RPL30: variants seen among roughly 807,000 people sequenced by gnomAD.
The protein encoded by RPL30 is ribosomal protein L30.
For missense variants in RPL30, 60 were observed against 138.0 expected (o/e 0.43, Z 2.83); for synonymous variants, 40 against 50.4 (o/e 0.79, Z 0.87).
chr8:98,044,849 G>A (rs373863174), intron 3 of RPL30, 94 bp downstream of exon 3: 5 of 1,328,968 alleles, frequency 3.8e-6, no homozygotes, highest in Admixed American at 4.3e-5. Context: ...GCAAGTGTTC[G>A]AGTTCATGGT....
At chr8:98,042,569 G>C in intron 4 of RPL30, 76 bp downstream of exon 4, 2 of 1,348,440 alleles carry the variant, frequency 1.5e-6, no homozygotes, top group East Asian at 2.3e-5. Context: ...AGACATTTGC[G>C]TAGTAAGAAA....
intron 4 of RPL30, chr8:98,042,099 A>T (rs759355505): frequency 1.5e-6 from 1 of 659,232 alleles, no homozygotes; most frequent in Non-Finnish European, 2.8e-6. Context: ...TATCACCAGC[A>T]TTTATAAAAC....
chr8:98,043,836 G>C (rs1814427215), intron 3 of RPL30: 1 of 151,968 alleles, frequency 6.6e-6, no homozygotes, highest in Admixed American at 6.6e-5. Flanking sequence ...CCTCAAGCCG[G>C]GCACGGTAGC....
intron 4 of RPL30, 157 bp downstream of exon 4, chr8:98,042,488 C>G: frequency 1.5e-6 from 1 of 687,964 alleles, no homozygotes; most frequent in Non-Finnish European, 2.4e-6. Context: ...CATTCATTAC[C>G]AATTCTCTAC....
intron 3 of RPL30, chr8:98,043,721 A>ACTAATTGTTTTAGTAGATTC (rs1187816745): frequency 6.6e-6 from 1 of 151,772 alleles, no homozygotes; most frequent in Non-Finnish European, 1.5e-5. Flanking sequence ...ATTAGTAGAT[A>ACTAATTGTTTTAGTAGATTC]CTAATGGTTT....
Position 98,045,539 on chromosome 8 carries a change from A to G in RPL30, c.-64T>C. The G allele has an allele frequency of 1.6e-6, 1 of 644,058 alleles. No homozygotes were observed. Among genetic ancestry groups the G allele is most frequent in the Non-Finnish European group, 2.7e-6 (1 of 364,038 alleles). The allele number at this position is 644,058 out of a possible 1,614,324, so 39.9% of individuals were successfully genotyped here. A position where few individuals can be genotyped will look rare whatever the true frequency, so the allele number is the denominator to read the frequency against. On this transcript the variant is annotated 5_prime_UTR_variant, in exon 1 of 5. Transcript: ENST00000287038. ...CAGCCGCTAAGATGGCCGGGGAACG[A>G]GAAAGGAAAGACTTCCCACAATGCA...
intron 3 of RPL30, chr8:98,043,878 C>G (rs1814427761): frequency 6.6e-6 from 1 of 151,926 alleles, no homozygotes; most frequent in Non-Finnish European, 1.5e-5. Context: ...TTTGGGAGGC[C>G]GAGGTGGGTG....
intron 3 of RPL30, 51 bp downstream of exon 3, chr8:98,044,892 C>A: frequency 6.3e-7 from 1 of 1,580,952 alleles, no homozygotes; most frequent in Non-Finnish European, 8.6e-7. Flanking sequence ...CCTGTATATT[C>A]GTTCACGATG....
chr8:98,042,836 G>A lies in RPL30; in HGVS notation c.168-61C>T. The A allele has an allele frequency of 2.8e-6, 4 of 1,451,308 alleles. No individual in the cohort carries two copies. The South Asian group carries it at 5.6e-5, about 20-fold the overall frequency. 89.9% of individuals were successfully genotyped at this position (1,451,308 alleles called of 1,614,324 possible). ...ATACCAAGTGACTGACAGACTAAAT[G>A]TTACTACTTCTTTTACTAGTGTTAA... is the stretch of plus-strand genomic sequence containing the variant. On this transcript the variant is annotated intron_variant, in intron 3 of 4. Coordinates refer to ENST00000287038, the MANE Select transcript of RPL30 (RefSeq NM_000989.4).
At chr8:98,044,620 A>T (rs561035873) in intron 3 of RPL30, 1 of 281,378 alleles carries the variant, frequency 3.6e-6, no homozygotes, top group Admixed American at 5.2e-5. Context: ...AAAGCACCTC[A>T]AAGCTAAAAG....
Position 98,043,431 on chromosome 8 carries a change from C to CTTTTTTTTTT in RPL30, c.168-666_168-657dup, listed in dbSNP as rs533167121. Reference sequence around the variant, plus strand: ...GTGAGCCACGGCACACAGCCCTATTCTTTTTTTTTTTTTTTAATCTAATGA... The same window carrying CTTTTTTTTTT: ...GTGAGCCACGGCACACAGCCCTATTCTTTTTTTTTTTTTTTTTTTTTTTTTAATCTAATGA... On this transcript the variant is annotated intron_variant, in intron 3 of 4. Transcript: ENST00000287038. The CTTTTTTTTTT allele has an allele frequency of 5.1e-4, 71 of 138,636 alleles. No individual in the cohort carries two copies. In the East Asian group the frequency reaches 9.8e-3, roughly 19 times the overall value. 8.6% of individuals were successfully genotyped at this position (138,636 alleles called of 1,614,324 possible).
chr8:98,044,563 AC>A (rs1338247038), intron 3 of RPL30: 1 of 181,412 alleles, frequency 5.5e-6, no homozygotes, highest in African/African-American at 2.4e-5. Flanking sequence ...AACTTTTCTT[AC>A]CTAGTTTTTT....
chr8:98,042,840 C>T, intron 3 of RPL30, 65 bp from the exon 4 acceptor site: 1 of 1,442,032 alleles, frequency 6.9e-7, no homozygotes, highest in Non-Finnish European at 9.2e-7. Context: ...CTAAATGTTA[C>T]TACTTCTTTT....
At position 98,044,733 on chromosome 8, in the gene RPL30, T is replaced by G. The variant is rs1446312811; in HGVS notation, c.167+210A>C. ...TTTCACTCCTGCCACACACACACAT[T>G]TCTCCTCCAAAAATAAGCTCACAGA... On this transcript the variant is annotated intron_variant, in intron 3 of 4. Transcript: ENST00000287038. 3 of 551,116 alleles carry G rather than the reference T, an allele frequency of 5.4e-6. No individual in the cohort carries two copies. The African/African-American group carries it at 5.7e-5, about 11-fold the overall frequency. 34.1% of individuals were successfully genotyped at this position (551,116 alleles called of 1,614,324 possible). A position where few individuals can be genotyped will look rare whatever the true frequency, so the allele number is the denominator to read the frequency against.
At chr8:98,043,629 A>T (rs1814422466) in intron 3 of RPL30, 1 of 151,612 alleles carries the variant, frequency 6.6e-6, no homozygotes, top group Non-Finnish European at 1.5e-5. Flanking sequence ...AGGCCGGATC[A>T]CTTGAAGTCA....
At chr8:98,045,270 T>C in intron 2 of RPL30, 77 bp downstream of exon 2, 1 of 1,597,908 alleles carries the variant, frequency 6.3e-7, no homozygotes. Flanking sequence ...GTCACCCCCG[T>C]GGGCTCACAT....
chr8:98,045,117 A>G (rs751494400), intron 2 of RPL30, 29 bp from the exon 3 acceptor site: 1 of 1,604,126 alleles, frequency 6.2e-7, no homozygotes, highest in South Asian at 1.1e-5. Flanking sequence ...ATACGGACCT[A>G]AGGGCCTCGC....
chr8:98,044,008 G>C (rs1420751753), intron 3 of RPL30: 2 of 152,312 alleles, frequency 1.3e-5, no homozygotes, highest in African/African-American at 4.8e-5. Context: ...ATCTACTCGG[G>C]AGGGTGAGGC....
At chr8:98,042,888 A>T in intron 3 of RPL30, 113 bp from the exon 4 acceptor site, 1 of 926,766 alleles carries the variant, frequency 1.1e-6, no homozygotes, top group Non-Finnish European at 1.6e-6. Flanking sequence ...AAAAAGTAAC[A>T]AAATCACATA....
Sources: gnomAD v4.1 joint callset for allele counts on GRCh38, gnomAD v4.1.1 for gene constraint, MANE v1.5 for transcripts, NCBI Gene and HGNC (gene_info 2026-07-23, HGNC 2026-07-21) for gene names.